Variants in MTUS2 observed in about 807,000 individuals in gnomAD.
The protein encoded by MTUS2 is microtubule associated scaffold protein 2, also known as microtubule-associated tumor suppressor candidate 2.
A neutral mutation model predicts 114.1 loss-of-function variants in MTUS2; 40 were observed. That is an observed-to-expected ratio of 0.35 (90% CI 0.27 to 0.46). The LOEUF (loss-of-function observed/expected upper bound fraction) is 0.46, where lower values mean the gene tolerates loss of function less well. Among genes scored for constraint, MTUS2 ranks in the 20% least tolerant of loss-of-function variants. MTUS2 has a pLI of 1.00. For missense variants in MTUS2, 1,679 were observed against 1,705.4 expected (o/e 0.98, Z 0.27); for synonymous variants, 688 against 672.0 (o/e 1.02, Z -0.37).
intron 2 of MTUS2, among the ~76,000 whole-genome samples, chr13:29,012,920 G>A (rs1053779869): frequency 3.3e-5 from 5 of 152,134 alleles, no homozygotes; most frequent in Non-Finnish European, 7.4e-5. Context: ...CAGGTGCCAG[G>A]CAGGTAGCAG....
chr13:29,219,070 C>T (rs1160843060), intron 5 of MTUS2, among the ~76,000 whole-genome samples: 4 of 149,048 alleles, frequency 2.7e-5, no homozygotes, highest in South Asian at 2.1e-4. Context: ...GCGCTGCACC[C>T]GCTAACTCGT....
Position 29,076,743 on chromosome 13 carries a change from C to T in MTUS2, c.2447-24030C>T, listed in dbSNP as rs199840941. 7.9e-5 allele frequency among the ~76,000 whole-genome samples: 12 copies of T among 152,138 alleles called. No individual in the cohort carries two copies. The East Asian group carries it at 2.3e-3, about 29-fold the overall frequency. ...ACCAAGACTCAGAAGTCACACACTTCGCTTCCTCAGTATTTTACTGGTCAG... is the reference window on the plus strand; with the variant it reads ...ACCAAGACTCAGAAGTCACACACTTTGCTTCCTCAGTATTTTACTGGTCAG... On this transcript the variant is annotated intron_variant, in intron 4 of 15. Transcript: ENST00000612955.
chr13:29,229,573 C>T (rs943691821), intron 5 of MTUS2, among the ~76,000 whole-genome samples: 11 of 152,272 alleles, frequency 7.2e-5, no homozygotes, highest in Middle Eastern at 3.4e-3. Flanking sequence ...GGGTTGGACT[C>T]GGTCTCAATT....
intron 2 of MTUS2, among the ~76,000 whole-genome samples, chr13:29,020,574 T>C (rs150931671): frequency 6.6e-6 from 1 of 152,326 alleles, no homozygotes; most frequent in African/African-American, 2.4e-5. Context: ...GTATATAATT[T>C]TGCCTGATAA....
At chr13:29,466,540 C>T (rs1269098234) in intron 9 of MTUS2, among the ~76,000 whole-genome samples, 3 of 152,110 alleles carry the variant, frequency 2.0e-5, no homozygotes, top group Non-Finnish European at 4.4e-5. Context: ...TAAATCCATT[C>T]CTGTGCAAAA....
At position 29,166,343 on chromosome 13, in the gene MTUS2, A is replaced by G. The variant is rs527926704; in HGVS notation, c.2644+65373A>G. Among the ~76,000 whole-genome samples the G allele has an allele frequency of 2.2e-4, 34 of 152,346 alleles. 2 individuals carry two copies. In the South Asian group the frequency reaches 6.6e-3, roughly 30 times the overall value. On this transcript the variant is annotated intron_variant, in intron 5 of 15. Transcript: ENST00000612955. ...AGAAGGTTGGAGTAGAATTCCAGATATGAACCCTCTGACCAAAAGAACCCT... is the reference window on the plus strand; with the variant it reads ...AGAAGGTTGGAGTAGAATTCCAGATGTGAACCCTCTGACCAAAAGAACCCT...
chr13:29,083,468 T>A (rs1889535456), intron 4 of MTUS2, among the ~76,000 whole-genome samples: 1 of 152,216 alleles, frequency 6.6e-6, no homozygotes, highest in Non-Finnish European at 1.5e-5. Context: ...AGGAAAGTTT[T>A]GACTAAGAAG....
At chr13:29,100,513 C>T (rs1342735466) in intron 4 of MTUS2, among the ~76,000 whole-genome samples, 2 of 152,140 alleles carry the variant, frequency 1.3e-5, no homozygotes, top group Non-Finnish European at 2.9e-5. Flanking sequence ...TTGTCTTCCT[C>T]AATTCATCTG....
At chr13:29,329,219 T>A (rs986799206) in intron 7 of MTUS2, among the ~76,000 whole-genome samples, 1 of 152,026 alleles carries the variant, frequency 6.6e-6, no homozygotes, top group Admixed American at 6.6e-5. Flanking sequence ...GCCATGGTGG[T>A]TTGCTGCACC....
intron 5 of MTUS2, among the ~76,000 whole-genome samples, chr13:29,126,519 T>A (rs921270358): frequency 2.0e-5 from 3 of 152,218 alleles, no homozygotes. Flanking sequence ...TGCCCTTTAC[T>A]TCGAGCTTGT....
intron 9 of MTUS2, among the ~76,000 whole-genome samples, chr13:29,442,669 T>C (rs1351306451): frequency 1.3e-5 from 2 of 152,162 alleles, no homozygotes; most frequent in African/African-American, 2.4e-5. Context: ...CCCTCGGAAG[T>C]ATTGATAGAA....
intron 2 of MTUS2, among the ~76,000 whole-genome samples, chr13:28,957,392 T>C (rs1883121610): frequency 6.6e-6 from 1 of 152,234 alleles, no homozygotes; most frequent in Admixed American, 6.5e-5. Flanking sequence ...CTATTACATT[T>C]TGGTCTTCTG....
At chr13:28,934,285 T>C (rs190621279) in intron 2 of MTUS2, among the ~76,000 whole-genome samples, 5 of 152,300 alleles carry the variant, frequency 3.3e-5, no homozygotes, top group African/African-American at 1.2e-4. Context: ...TTTCATATGT[T>C]TCCTTCTTCT....
chr13:28,946,755 G>T lies in MTUS2; in HGVS notation c.-242-77702G>T, dbSNP rs568123218. On this transcript the variant is annotated intron_variant, in intron 2 of 15. Transcript: ENST00000612955. ...TGTGGAGATGGGGTCTCACTGTGCT[G>T]CCCAGGCTGGTCTTCAATTCCTGGC... Among the ~76,000 whole-genome samples the T allele has an allele frequency of 3.3e-5, 5 of 151,870 alleles. No individual in the cohort carries two copies. In the South Asian group the frequency reaches 1.0e-3, roughly 32 times the overall value.
chr13:29,393,073 A>G (rs904199532), intron 8 of MTUS2, among the ~76,000 whole-genome samples: 14 of 152,226 alleles, frequency 9.2e-5, no homozygotes, highest in African/African-American at 2.9e-4. Flanking sequence ...AGAAGCAGGA[A>G]TGAAGGTAGC....
At chr13:28,908,566 A>T (rs1236034180) in intron 2 of MTUS2, among the ~76,000 whole-genome samples, 1 of 151,404 alleles carries the variant, frequency 6.6e-6, no homozygotes, top group Non-Finnish European at 1.5e-5. Context: ...GTTGGTTCCA[A>T]GTCTTTGCTA....
chr13:28,904,416 G>C, intron 2 of MTUS2, among the ~76,000 whole-genome samples: 1 of 152,096 alleles, frequency 6.6e-6, no homozygotes, highest in Non-Finnish European at 1.5e-5. Flanking sequence ...AATCCATCTT[G>C]AATTAAGTTT....
At chr13:29,483,125 A>G (rs1191894759) in intron 10 of MTUS2, among the ~76,000 whole-genome samples, 1 of 152,186 alleles carries the variant, frequency 6.6e-6, no homozygotes, top group Non-Finnish European at 1.5e-5. Flanking sequence ...GGGCAATGCT[A>G]ACCCCACAGA....
chr13:29,463,366 C>A (rs1879651550), intron 9 of MTUS2, among the ~76,000 whole-genome samples: 2 of 152,182 alleles, frequency 1.3e-5, no homozygotes, highest in Admixed American at 1.3e-4. Flanking sequence ...CCACAGGAGA[C>A]TCCTAGAGAG....
Sources: allele counts gnomAD v4.1 joint callset (sites outside exome capture counted in the v4.1 genomes callset), GRCh38; gene constraint gnomAD v4.1.1; transcripts MANE v1.5; gene names NCBI Gene and HGNC (gene_info 2026-07-23, HGNC 2026-07-21).